Variants in ATP11A observed in about 807,000 individuals in gnomAD.
ATP11A encodes ATPase phospholipid transporting 11A, also known as phospholipid-transporting ATPase IH.
ATP11A carries 81 observed loss-of-function variants against 154.4 expected under a neutral mutation model. The observed-to-expected ratio is 0.52, with a 90% CI of 0.44 to 0.63. The LOEUF (loss-of-function observed/expected upper bound fraction) is 0.63, where lower values mean the gene tolerates loss of function less well. ATP11A is among the 30% of genes least tolerant of loss of function. The pLI is 0.00. For synonymous variants in ATP11A, 623 were observed against 585.9 expected (o/e 1.06, Z -0.91); for missense variants, 1,316 against 1,474.3 (o/e 0.89, Z 1.76).
At chr13:112,847,973 C>G (rs891848264) in intron 17 of ATP11A, among the ~76,000 whole-genome samples, 8 of 152,184 alleles carry the variant, frequency 5.3e-5, no homozygotes, top group African/African-American at 1.9e-4. Flanking sequence ...CATCTGTGGT[C>G]CTAGCTACTA....
chr13:112,837,299 C>T (rs568051370), intron 16 of ATP11A, among the ~76,000 whole-genome samples: 2 of 152,360 alleles, frequency 1.3e-5, no homozygotes, highest in South Asian at 4.1e-4. Context: ...CTGCCGTGGG[C>T]TTTCCCATAG....
intron 1 of ATP11A, among the ~76,000 whole-genome samples, chr13:112,739,857 G>C (rs1192532962): frequency 1.3e-5 from 2 of 152,196 alleles, no homozygotes; most frequent in Admixed American, 6.5e-5. Context: ...ATGATGCTAA[G>C]TGAAGGAAGC....
At position 112,801,375 on chromosome 13, in the gene ATP11A, T is replaced by C. The variant is rs527780141; in HGVS notation, c.163-3582T>C. On this transcript the variant is annotated intron_variant, in intron 2 of 29. Transcript: ENST00000375645. ...AAAACGAGATGATTTCACCCTAAGA[T>C]TGGAAAAAAGGCAAGAAATCCCTTA... is the stretch of plus-strand genomic sequence containing the variant. 6.7e-5 allele frequency among the ~76,000 whole-genome samples: 10 copies of C among 150,080 alleles called. No homozygotes were observed. The East Asian group carries it at 9.8e-4, about 15-fold the overall frequency.
At chr13:112,767,686 C>G (rs1393107782) in intron 1 of ATP11A, among the ~76,000 whole-genome samples, 1 of 152,114 alleles carries the variant, frequency 6.6e-6, no homozygotes, top group African/African-American at 2.4e-5. Flanking sequence ...GATACCCAGT[C>G]TCACAATAAA....
At chr13:112,864,672 A>G (rs9603971) in intron 25 of ATP11A, among the ~76,000 whole-genome samples, 1 of 53,542 alleles carries the variant, frequency 1.9e-5, no homozygotes, top group African/African-American at 2.7e-4. Flanking sequence ...AGTGCGGCCC[A>G]TGCAGCTTCC....
intron 2 of ATP11A, among the ~76,000 whole-genome samples, chr13:112,796,166 A>G (rs1455952113): frequency 1.3e-5 from 2 of 152,034 alleles, no homozygotes; most frequent in African/African-American, 4.8e-5. Flanking sequence ...TGTGTTCTCT[A>G]CTCTGTCTCA....
chr13:112,834,352 G>C lies in ATP11A; in HGVS notation c.1560-237G>C, dbSNP rs114242884. 1.4e-3 allele frequency among the ~76,000 whole-genome samples: 211 copies of C among 152,368 alleles called. 1 individual carries two copies. Among genetic ancestry groups the C allele is most frequent in the African/African-American group, 4.4e-3 (185 of 41,592 alleles). ...ACTGACAAGAATGTGCCTCACTGCT[G>C]TGTGCCAAGGAGGGTTGGGTTGGGT... On this transcript the variant is annotated intron_variant, in intron 14 of 29. Coordinates refer to ENST00000375645, the MANE Select transcript of ATP11A (RefSeq NM_015205.3).
intron 1 of ATP11A, among the ~76,000 whole-genome samples, chr13:112,751,001 A>G (rs1251456592): frequency 2.0e-5 from 3 of 152,198 alleles, no homozygotes; most frequent in Non-Finnish European, 4.4e-5. Context: ...TTCCCACTTT[A>G]GAGATGGGAA....
chr13:112,810,715 C>T lies in ATP11A; in HGVS notation c.430C>T (p.Arg144Ter), dbSNP rs755950468. The part of the protein sequence containing the change: ...QHGKLVRKQS[R>*]KLRVGDIVMV... ...CGGCAAGCTCGTTCGGAAACAAAGT[C>T]GAAAGCTGCGAGTAAGTGACACCCG... is the stretch of plus-strand genomic sequence containing the variant. The change falls in exon 5 of 30, where the codon CGA becomes TGA. Residue 144 changes from arginine (R) to a stop codon, truncating the protein, a stop_gained. Transcript: ENST00000375645. LOFTEE classifies it high-confidence loss of function. 5 of 1,613,886 alleles carry T rather than the reference C, an allele frequency of 3.1e-6. No individual in the cohort carries two copies. In the African/African-American group the frequency reaches 5.3e-5, roughly 17 times the overall value.
intron 1 of ATP11A, among the ~76,000 whole-genome samples, chr13:112,695,151 CTGT>C (rs1885653410): frequency 6.6e-6 from 1 of 151,832 alleles, no homozygotes; most frequent in Non-Finnish European, 1.5e-5. Context: ...TGGGACCTTG[CTGT>C]TGTTCAGCTG....
chr13:112,823,062 C>T (rs2078840927), intron 8 of ATP11A, among the ~76,000 whole-genome samples: 1 of 152,224 alleles, frequency 6.6e-6, no homozygotes, highest in African/African-American at 2.4e-5. Context: ...CCGGGCGCAG[C>T]TCAGTGGGTC....
At chr13:112,695,275 C>T (rs76609711) in intron 1 of ATP11A, among the ~76,000 whole-genome samples, 2,927 of 152,314 alleles carry the variant, frequency 0.019, 40 homozygotes, top group Non-Finnish European at 0.033. Flanking sequence ...AATAATCTGT[C>T]TCCAGCAGTG....
At chr13:112,756,221 C>T (rs2076828841) in intron 1 of ATP11A, among the ~76,000 whole-genome samples, 1 of 152,228 alleles carries the variant, frequency 6.6e-6, no homozygotes. Flanking sequence ...GTCTGTGAAA[C>T]AGGTTAGATT....
In ATP11A at chr13:112,696,188, C is replaced by G. The variant is rs542498915; in HGVS notation, c.39+5733C>G. Among the ~76,000 whole-genome samples the G allele has an allele frequency of 6.6e-6, 1 of 152,186 alleles. No homozygotes were observed. Among genetic ancestry groups the G allele is most frequent in the Non-Finnish European group, 1.5e-5 (1 of 68,038 alleles). ...GACGGGACAGGTCACGGCGCTCGTG[C>G]ACGCTGGGTGCCCAGTGCACGGGGC... On this transcript the variant is annotated intron_variant, in intron 1 of 29. Coordinates refer to ENST00000375645, the MANE Select transcript of ATP11A (RefSeq NM_015205.3). This position sits in a 1 kb window ranked among gnomAD's most constrained non-coding sequence, Gnocchi z 6.2.
At position 112,778,365 on chromosome 13, in the gene ATP11A, A is replaced by G. The variant is rs191616519; in HGVS notation, c.40-6770A>G. Among the ~76,000 whole-genome samples, 174 of 152,364 alleles carry G rather than the reference A, an allele frequency of 1.1e-3. 1 individual carries two copies. Among genetic ancestry groups the G allele is most frequent in the Non-Finnish European group, 2.1e-3 (142 of 68,034 alleles). ...TCCCATGCAGTTATGCTGTGTAAGA[A>G]ATGGCAACAGGGCCAAAACCTTGTA... is the stretch of plus-strand genomic sequence containing the variant. On this transcript the variant is annotated intron_variant, in intron 1 of 29. Transcript: ENST00000375645.
chr13:112,759,442 G>A (rs981719728), intron 1 of ATP11A, among the ~76,000 whole-genome samples: 3 of 152,202 alleles, frequency 2.0e-5, no homozygotes, highest in Admixed American at 6.5e-5. Context: ...CCTAACCTGC[G>A]TGCTCTTTCA....
At chr13:112,840,092 G>C (rs546504685) in intron 16 of ATP11A, among the ~76,000 whole-genome samples, 88 of 145,028 alleles carry the variant, frequency 6.1e-4, no homozygotes, top group Non-Finnish European at 1.0e-3. Flanking sequence ...GCCTCAGCCT[G>C]CTCACTCCCG....
At chr13:112,816,340 C>T (rs1594782861) in intron 6 of ATP11A, 129 bp downstream of exon 6, 1 of 1,185,488 alleles carries the variant, frequency 8.4e-7, no homozygotes, top group East Asian at 2.5e-5. Context: ...GGGAGTTACA[C>T]CAGCCATGTT....
chr13:112,870,811 C>T (rs546021446), intron 25 of ATP11A, among the ~76,000 whole-genome samples: 2 of 152,272 alleles, frequency 1.3e-5, no homozygotes, highest in African/African-American at 2.4e-5. Context: ...AGTTTCCAGT[C>T]GGGGGTTTTC....
Sources: gnomAD v4.1 joint callset for allele counts (sites outside exome capture counted in the v4.1 genomes callset) on GRCh38, gnomAD v4.1.1 for gene constraint, Gnocchi (gnomAD v3.1) non-coding constraint, MANE v1.5 for transcripts, NCBI Gene and HGNC (gene_info 2026-07-23, HGNC 2026-07-21) for gene names.